The following DNAJC11 variants were observed in gnomAD, a reference collection of about 807,000 sequenced individuals.
DNAJC11 encodes the protein dnaJ homolog subfamily C member 11.
In DNAJC11, 15 loss-of-function variants were observed where a neutral mutation model predicts 78.6. The observed-to-expected ratio is 0.19, with a 90% CI of 0.13 to 0.29. The LOEUF is 0.29. Ranked by LOEUF, DNAJC11 falls within the 10% of genes least tolerant of loss-of-function variation. The probability of loss-of-function intolerance (pLI) is 1.00; values close to 1 mark genes in which losing one functional copy is unlikely to be tolerated. For missense variants in DNAJC11, 547 were observed against 709.6 expected (o/e 0.77, Z 2.60); for synonymous variants, 292 against 272.1 (o/e 1.07, Z -0.72).
chr1:6,680,961 T>C lies in DNAJC11; in HGVS notation c.149A>G (p.Glu50Gly). 1 of 1,614,190 alleles carries C rather than the reference T, an allele frequency of 6.2e-7. No homozygotes were observed. Among genetic ancestry groups the C allele is most frequent in the South Asian group, 1.1e-5 (1 of 91,086 alleles). Residue 50 changes from glutamate (E) to glycine (G), a missense_variant, in exon 2 of 16, where the codon GAG becomes GGG. Transcript: ENST00000377577. This position sits in a 1 kb window ranked among gnomAD's most constrained non-coding sequence, Gnocchi z 4.0. Reference sequence around the variant, plus strand: ...CAGTCGTTCCGCCTGTGACTTGAGCTCTGGGTCTCTGTGCTTGTCTGGATG... The same window carrying C: ...CAGTCGTTCCGCCTGTGACTTGAGCCCTGGGTCTCTGTGCTTGTCTGGATG... ...LYHPDKHRDP[E>G]LKSQAERLFN...
intron 1 of DNAJC11, among the ~76,000 whole-genome samples, chr1:6,699,526 T>A (rs1642891420): frequency 6.6e-6 from 1 of 152,182 alleles, no homozygotes. Context: ...TACGAATGAT[T>A]TCAGAAAGGC....
intron 4 of DNAJC11, among the ~76,000 whole-genome samples, chr1:6,659,988 G>A (rs1213226232): frequency 1.3e-5 from 2 of 150,732 alleles, no homozygotes; most frequent in Admixed American, 6.6e-5. Context: ...CCCGGGAGGC[G>A]GAGCTTGCAG....
intron 3 of DNAJC11, among the ~76,000 whole-genome samples, chr1:6,677,304 T>C (rs375416646): frequency 6.6e-6 from 1 of 152,166 alleles, no homozygotes; most frequent in Middle Eastern, 3.2e-3. Flanking sequence ...TTCTTTCTTT[T>C]TTTTGTGAGA....
rs375159146 is a variant in DNAJC11 at position 6,645,765 on chromosome 1, G to A, written c.894+24C>T. ...GGGTCCTCCCAGAGCTCTGTCTGCA[G>A]GAGATGATGGCTGCTCGGCTCACCT... On this transcript the variant is annotated intron_variant, in intron 8 of 15. Transcript: ENST00000377577. The surrounding 1 kb of genome is among the most constrained non-coding windows in gnomAD (Gnocchi z 4.1). The A allele has an allele frequency of 1.6e-5, 25 of 1,611,476 alleles. No homozygotes were observed. The highest frequency in any genetic ancestry group is 2.1e-5 in the Non-Finnish European group (25 of 1,178,010).
At chr1:6,693,650 G>A (rs1342531506) in intron 1 of DNAJC11, among the ~76,000 whole-genome samples, 3 of 152,084 alleles carry the variant, frequency 2.0e-5, no homozygotes, top group Non-Finnish European at 4.4e-5. Context: ...CCAAAGTGCT[G>A]GGATTACAGG....
In DNAJC11 at chr1:6,634,837, T is replaced by C; in HGVS notation, c.*838A>G. On this transcript the variant is annotated 3_prime_UTR_variant, in exon 16 of 16. Coordinates refer to ENST00000377577, the MANE Select transcript of DNAJC11 (RefSeq NM_018198.4). ...GGTCCACGCCTTTGGGTTGGGTGTGTCTGATGTCTTGCCAAGCGCCTGGTC... is the reference window on the plus strand; with the variant it reads ...GGTCCACGCCTTTGGGTTGGGTGTGCCTGATGTCTTGCCAAGCGCCTGGTC... The C allele has an allele frequency of 1.6e-6, 2 of 1,241,310 alleles. No homozygotes were observed. Among genetic ancestry groups the C allele is most frequent in the Non-Finnish European group, 1.0e-6 (1 of 956,240 alleles). The allele number at this position is 1,241,310 out of a possible 1,614,324, so 76.9% of individuals were successfully genotyped here. A position where few individuals can be genotyped will look rare whatever the true frequency, so the allele number is the denominator to read the frequency against.
intron 4 of DNAJC11, among the ~76,000 whole-genome samples, chr1:6,661,389 T>G (rs562353255): frequency 6.6e-6 from 1 of 152,362 alleles, no homozygotes; most frequent in South Asian, 2.1e-4. Flanking sequence ...TAGTCTTTAA[T>G]TCTGAAACCT....
chr1:6,636,174 C>T lies in DNAJC11; in HGVS notation c.1597G>A (p.Gly533Ser). The T allele has an allele frequency of 6.2e-7, 1 of 1,614,140 alleles. No homozygotes were observed. The highest frequency in any genetic ancestry group is 8.5e-7 in the Non-Finnish European group (1 of 1,180,036). Reference sequence around the variant, plus strand: ...AGCACCATCACCTGATGCAGGACGCCCCGGAACTGATAGAGCACTTTCAGG... The same window carrying T: ...AGCACCATCACCTGATGCAGGACGCTCCGGAACTGATAGAGCACTTTCAGG... ...KNLKVLYQFR[G>S]VLHQVMVLDS... Residue 533 changes from glycine (G) to serine (S), a missense_variant, in exon 15 of 16, where the codon GGC (glycine) becomes AGC (serine). Physicochemically the swap from Gly to Ser is moderately conservative, Grantham distance 56. Transcript: ENST00000377577.
chr1:6,682,163 CAA>C (rs60985504), intron 1 of DNAJC11, among the ~76,000 whole-genome samples: 1 of 94,070 alleles, frequency 1.1e-5, no homozygotes. Flanking sequence ...ACCATAATTA[CAA>C]AAAAAAAAAA....
chr1:6,639,557 C>T (rs1017308321), intron 11 of DNAJC11, among the ~76,000 whole-genome samples: 4 of 152,092 alleles, frequency 2.6e-5, no homozygotes, highest in African/African-American at 7.2e-5. Context: ...GTCCTGAACG[C>T]CTCACCTCGG....
intron 1 of DNAJC11, among the ~76,000 whole-genome samples, chr1:6,686,552 C>A (rs146061356): frequency 5.4e-4 from 83 of 152,302 alleles, no homozygotes; most frequent in African/African-American, 1.9e-3. Context: ...GGCTCCCTGG[C>A]TCACACTGGC....
At chr1:6,668,610 T>C (rs1041089369) in intron 3 of DNAJC11, among the ~76,000 whole-genome samples, 1 of 152,072 alleles carries the variant, frequency 6.6e-6, no homozygotes, top group Non-Finnish European at 1.5e-5. Context: ...TTTTATTCTG[T>C]TGTTGTAGAA....
rs1642531162 is a variant in DNAJC11 at position 6,680,216 on chromosome 1, AATATAC to A, written c.202+686_202+691del. Among the ~76,000 whole-genome samples, 1 of 152,192 alleles carries A rather than the reference AATATAC, an allele frequency of 6.6e-6. No individual in the cohort carries two copies. The highest frequency in any genetic ancestry group is 1.5e-5 in the Non-Finnish European group (1 of 68,030). On this transcript the variant is annotated intron_variant, in intron 2 of 15. Transcript: ENST00000377577. This position sits in a 1 kb window ranked among gnomAD's most constrained non-coding sequence, Gnocchi z 4.0. ...ATTTAAATTTTAAAAATGGTGGTAA[AATATAC>A]ATATAATATTTACCATTTTAACCAT...
intron 1 of DNAJC11, among the ~76,000 whole-genome samples, chr1:6,689,032 A>G (rs1043157940): frequency 6.6e-6 from 1 of 152,180 alleles, no homozygotes; most frequent in African/African-American, 2.4e-5. Flanking sequence ...AATACACAAA[A>G]CATCTAATTT....
intron 4 of DNAJC11, among the ~76,000 whole-genome samples, chr1:6,656,390 C>T (rs1165719682): frequency 6.6e-6 from 1 of 151,638 alleles, no homozygotes; most frequent in African/African-American, 2.4e-5. Context: ...TTTGATAAAA[C>T]ATTCAAAAGA....
At chr1:6,688,252 A>G (rs1203344377) in intron 1 of DNAJC11, among the ~76,000 whole-genome samples, 1 of 152,216 alleles carries the variant, frequency 6.6e-6, no homozygotes, top group South Asian at 2.1e-4. Flanking sequence ...GGATAAAGGC[A>G]TATGTTTGAA....
intron 1 of DNAJC11, among the ~76,000 whole-genome samples, chr1:6,686,890 G>A (rs1169014409): frequency 2.6e-5 from 4 of 152,130 alleles, no homozygotes; most frequent in East Asian, 3.8e-4. Flanking sequence ...ACTTCCAGGC[G>A]ATGTATCTGT....
chr1:6,667,095 C>G (rs764771386), intron 4 of DNAJC11, among the ~76,000 whole-genome samples: 5 of 152,200 alleles, frequency 3.3e-5, no homozygotes, highest in Non-Finnish European at 7.3e-5. Flanking sequence ...AAAAGTAACT[C>G]TGACTCAGTA....
In DNAJC11 at chr1:6,634,179, G is replaced by A; in HGVS notation, c.*1496C>T. On this transcript the variant is annotated 3_prime_UTR_variant, in exon 16 of 16. Coordinates refer to ENST00000377577, the MANE Select transcript of DNAJC11 (RefSeq NM_018198.4). ...GAAGAGCGCCAGCCTCTGCTTTCAGGAAAGGTTTATTGTGGTGAGTGCCTT... is the reference window on the plus strand; with the variant it reads ...GAAGAGCGCCAGCCTCTGCTTTCAGAAAAGGTTTATTGTGGTGAGTGCCTT... The A allele has an allele frequency of 4.7e-6, 6 of 1,286,116 alleles. No homozygotes were observed. Among genetic ancestry groups the A allele is most frequent in the Non-Finnish European group, 5.5e-6 (5 of 902,128 alleles). The allele number at this position is 1,286,116 out of a possible 1,614,324, so 79.7% of individuals were successfully genotyped here.
Sources: allele counts gnomAD v4.1 joint callset (sites outside exome capture counted in the v4.1 genomes callset), GRCh38; gene constraint gnomAD v4.1.1; non-coding constraint Gnocchi (gnomAD v3.1); transcripts MANE v1.5; gene names NCBI Gene and HGNC (gene_info 2026-07-23, HGNC 2026-07-21).